ABCA5: variants seen among roughly 807,000 people sequenced by gnomAD.
The protein encoded by ABCA5 is ATP binding cassette subfamily A member 5.
Under a neutral mutation model 206.0 loss-of-function variants are expected in ABCA5, and 163 were observed. That is an observed-to-expected ratio of 0.79 (90% confidence interval 0.70 to 0.90). The LOEUF is 0.90. ABCA5 is among the 40% of genes least tolerant of loss of function. ABCA5 has a pLI of 0.00. For missense variants in ABCA5, 1,859 were observed against 1,912.9 expected (o/e 0.97, Z 0.53); for synonymous variants, 609 against 613.8 (o/e 0.99, Z 0.11).
intron 15 of ABCA5, among the ~76,000 whole-genome samples, chr17:69,287,118 G>C (rs1567767881): frequency 6.6e-6 from 1 of 152,194 alleles, no homozygotes; most frequent in African/African-American, 2.4e-5. Context: ...ACTTTGGTAT[G>C]TGCTAGGCAG....
chr17:69,286,381 T>C, intron 15 of ABCA5, 70 bp from the exon 16 acceptor site: 1 of 1,363,450 alleles, frequency 7.3e-7, no homozygotes, highest in Non-Finnish European at 1.0e-6. Context: ...TTACATTTTA[T>C]GGTTTCTCAT....
intron 1 of ABCA5, chr17:69,315,572 C>T (rs2075808595): frequency 1.3e-5 from 2 of 152,300 alleles, no homozygotes; most frequent in South Asian, 4.1e-4. Context: ...ATCACGAAGT[C>T]AGGAGTTTGA....
At chr17:69,292,478 ACT>A (rs2075539635) in intron 11 of ABCA5, among the ~76,000 whole-genome samples, 1 of 152,156 alleles carries the variant, frequency 6.6e-6, no homozygotes, top group Non-Finnish European at 1.5e-5. Flanking sequence ...TGCAAAACTC[ACT>A]GTTTAGTTCC....
At position 69,253,507 on chromosome 17, in the gene ABCA5, T is replaced by C. The variant is rs1006333117; in HGVS notation, c.4415+66A>G. 7 of 1,054,442 alleles carry C rather than the reference T, an allele frequency of 6.6e-6. No individual in the cohort carries two copies. In the Admixed American group the frequency reaches 1.3e-4, roughly 20 times the overall value. The allele number at this position is 1,054,442 out of a possible 1,614,324, so 65.3% of individuals were successfully genotyped here. ...GATGTACATATAACTAACATTAAAC[T>C]ATTATAATAAAAGAAACTGTTCTAT... On this transcript the variant is annotated intron_variant, in intron 34 of 38. Transcript: ENST00000392676.
rs149938775 is a variant in ABCA5, at chr17:69,302,707, A to G, written c.1119+11T>C. Reference sequence around the variant, plus strand: ...AATATTTAGTGAATGCAAGATTAATATATTACCTACCTGTGCAATACCAAT... The same window carrying G: ...AATATTTAGTGAATGCAAGATTAATGTATTACCTACCTGTGCAATACCAAT... On this transcript the variant is annotated intron_variant, in intron 8 of 38. Coordinates refer to ENST00000392676, the MANE Select transcript of ABCA5 (RefSeq NM_172232.4). The G allele has an allele frequency of 2.4e-4, 359 of 1,472,248 alleles. 3 individuals carry two copies. The African/African-American group carries it at 4.8e-3, about 20-fold the overall frequency. 91.2% of individuals were successfully genotyped at this position (1,472,248 alleles called of 1,614,324 possible). A position where few individuals can be genotyped will look rare whatever the true frequency, so the allele number is the denominator to read the frequency against.
In ABCA5 at chr17:69,271,201, A is replaced by G; in HGVS notation, c.2853T>C (p.Ala951=). Residue 951 remains alanine (A), a synonymous_variant, in exon 21 of 39, where the codon GCT becomes GCC. Coordinates refer to ENST00000392676, the MANE Select transcript of ABCA5 (RefSeq NM_172232.4). The part of the protein sequence containing the change: ...MINDSDYVSV[A]PHSAALNVMH... Reference sequence around the variant, plus strand: ...TCACATTTAAAGCCGCACTATGGGGAGCCACGGATACATAGTCACTGTCAT... The same window carrying G: ...TCACATTTAAAGCCGCACTATGGGGGGCCACGGATACATAGTCACTGTCAT... The G allele has an allele frequency of 6.2e-7, 1 of 1,613,386 alleles. No individual in the cohort carries two copies. The highest frequency in any genetic ancestry group is 8.5e-7 in the Non-Finnish European group (1 of 1,179,648).
chr17:69,260,200 T>C, intron 27 of ABCA5, 138 bp downstream of exon 27: 1 of 583,704 alleles, frequency 1.7e-6, no homozygotes, highest in Non-Finnish European at 3.0e-6. Context: ...ACAGATTAGC[T>C]AGCGTTAACT....
chr17:69,246,834 A>C lies in ABCA5; in HGVS notation c.*703T>G, dbSNP rs1250096366. On this transcript the variant is annotated 3_prime_UTR_variant, in exon 39 of 39. Transcript: ENST00000392676. ...CAGACTATTACGTAAGATTCTACACACAGTCTTCCTTTAATTATAATAACT... is the reference window on the plus strand; with the variant it reads ...CAGACTATTACGTAAGATTCTACACCCAGTCTTCCTTTAATTATAATAACT... 1 of 151,990 alleles carries C rather than the reference A, an allele frequency of 6.6e-6. No individual in the cohort carries two copies. The highest frequency in any genetic ancestry group is 2.4e-5 in the African/African-American group (1 of 41,448). The allele number at this position is 151,990 out of a possible 1,614,324, so 9.4% of individuals were successfully genotyped here.
At chr17:69,310,823 T>C (rs1195022820) in intron 3 of ABCA5, among the ~76,000 whole-genome samples, 5 of 152,238 alleles carry the variant, frequency 3.3e-5, no homozygotes, top group Non-Finnish European at 5.9e-5. Context: ...CAGACTTTAG[T>C]GTCCTCATCT....
At chr17:69,293,098 G>A (rs1019642512) in intron 11 of ABCA5, among the ~76,000 whole-genome samples, 1 of 152,140 alleles carries the variant, frequency 6.6e-6, no homozygotes, top group Non-Finnish European at 1.5e-5. Flanking sequence ...ACAACTGGGA[G>A]AGGATGTTTA....
intron 32 of ABCA5, 49 bp downstream of exon 32, chr17:69,254,266 C>A: frequency 6.9e-7 from 1 of 1,450,012 alleles, no homozygotes; most frequent in South Asian, 1.5e-5. Context: ...ATATGAAATG[C>A]AAACCTTTCC....
intron 24 of ABCA5, among the ~76,000 whole-genome samples, chr17:69,262,214 C>G (rs2075156362): frequency 1.3e-5 from 2 of 152,018 alleles, no homozygotes; most frequent in South Asian, 4.1e-4. Flanking sequence ...ATATTTTAAG[C>G]TATATTTTAT....
chr17:69,260,084 T>A (rs1427051526), intron 27 of ABCA5, among the ~76,000 whole-genome samples: 1 of 151,934 alleles, frequency 6.6e-6, no homozygotes, highest in African/African-American at 2.4e-5. Context: ...AACTTTGTTT[T>A]TGCTTCTAAG....
chr17:69,250,022 TTAC>T (rs2074993906), intron 36 of ABCA5, 38 bp from the exon 37 acceptor site: 1 of 1,278,616 alleles, frequency 7.8e-7, no homozygotes, highest in Non-Finnish European at 1.1e-6. Context: ...AAATTAAAAA[TTAC>T]TACTATTATG....
chr17:69,256,661 G>A (rs1312144056), intron 28 of ABCA5, among the ~76,000 whole-genome samples: 4 of 151,814 alleles, frequency 2.6e-5, no homozygotes, highest in South Asian at 4.2e-4. Flanking sequence ...TCACCATGTT[G>A]CCCAGGCTGG....
At chr17:69,257,953 A>G (rs1003118630) in intron 28 of ABCA5, among the ~76,000 whole-genome samples, 1 of 152,114 alleles carries the variant, frequency 6.6e-6, no homozygotes, top group African/African-American at 2.4e-5. Context: ...ATAACTTATA[A>G]TTAAGTGCTT....
intron 29 of ABCA5, 54 bp downstream of exon 29, chr17:69,256,103 C>T (rs982798383): frequency 1.4e-5 from 21 of 1,499,160 alleles, no homozygotes; most frequent in Non-Finnish European, 1.7e-5. Context: ...TTTCTATATA[C>T]CGGGAATTGA....
Position 69,321,957 on chromosome 17 carries a change from G to T in ABCA5, c.-16+5095C>A, listed in dbSNP as rs983385688. Among the ~76,000 whole-genome samples the T allele has an allele frequency of 5.3e-5, 8 of 152,100 alleles. 1 individual carries two copies. The highest frequency in any genetic ancestry group is 1.4e-4 in the African/African-American group (6 of 41,510). Reference sequence around the variant, plus strand: ...TTATACTAAATCCAATAAGTTGCAAGAAAATGGAAAGCCTACTAAAGCCCA... The same window carrying T: ...TTATACTAAATCCAATAAGTTGCAATAAAATGGAAAGCCTACTAAAGCCCA... On this transcript the variant is annotated intron_variant, in intron 1 of 38. Coordinates refer to ENST00000392676, the MANE Select transcript of ABCA5 (RefSeq NM_172232.4).
chr17:69,293,714 C>T (rs1205233438), intron 11 of ABCA5, among the ~76,000 whole-genome samples: 1 of 152,070 alleles, frequency 6.6e-6, no homozygotes, highest in Non-Finnish European at 1.5e-5. Context: ...ACTGAAACTT[C>T]AACACTTGCC....
Sources: gnomAD v4.1 joint callset for allele counts (sites outside exome capture counted in the v4.1 genomes callset) on GRCh38, gnomAD v4.1.1 for gene constraint, MANE v1.5 for transcripts, NCBI Gene and HGNC (gene_info 2026-07-23, HGNC 2026-07-21) for gene names.